Variants in GRIA4 observed in about 807,000 individuals in gnomAD.
GRIA4 encodes the protein glutamate receptor 4.
GRIA4 carries 34 observed loss-of-function variants against 104.0 expected under a neutral mutation model. That is an observed-to-expected ratio of 0.33 (90% CI 0.25 to 0.44). The LOEUF (loss-of-function observed/expected upper bound fraction) is 0.44, where lower values mean the gene tolerates loss of function less well. GRIA4 is among the 20% of genes least tolerant of loss of function. The pLI is 1.00. For missense variants in GRIA4, 750 were observed against 1,096.5 expected, an observed-to-expected ratio of 0.68 and a Z score of 4.46; for synonymous variants, 386 against 381.9, an observed-to-expected ratio of 1.01 and a Z score of -0.13.
chr11:105,740,402 C>T (rs1254759166), intron 3 of GRIA4, among the ~76,000 whole-genome samples: 1 of 152,204 alleles, frequency 6.6e-6, no homozygotes, highest in East Asian at 1.9e-4. Flanking sequence ...TCCACACTCT[C>T]TCATTCTCTT....
chr11:105,842,296 G>A (rs931698108), intron 4 of GRIA4, among the ~76,000 whole-genome samples: 1 of 152,162 alleles, frequency 6.6e-6, no homozygotes, highest in Non-Finnish European at 1.5e-5. Context: ...TGAGGGACAT[G>A]GAAAGCTATT....
rs554600175 is a variant in GRIA4 at position 105,928,182 on chromosome 11, G to T, written c.2046+1243G>T. Among the ~76,000 whole-genome samples the T allele has an allele frequency of 2.6e-5, 4 of 151,950 alleles. No individual in the cohort carries two copies. The South Asian group carries it at 8.3e-4, about 31-fold the overall frequency. ...GATTATAGTATCCTAATATACTTTA[G>T]ATGTTTACATAATATCATATCAAGA... is the stretch of plus-strand genomic sequence containing the variant. On this transcript the variant is annotated intron_variant, in intron 13 of 16. Coordinates refer to ENST00000282499, the MANE Select transcript of GRIA4 (RefSeq NM_000829.4).
intron 3 of GRIA4, among the ~76,000 whole-genome samples, chr11:105,661,243 T>A (rs771345532): frequency 6.6e-6 from 1 of 151,672 alleles, no homozygotes. Flanking sequence ...TATTTATATC[T>A]ATTACAGTAA....
chr11:105,611,489 G>A (rs1013748058), intron 2 of GRIA4, among the ~76,000 whole-genome samples: 9 of 152,048 alleles, frequency 5.9e-5, no homozygotes, highest in Non-Finnish European at 1.3e-4. Context: ...CATTCTGGAC[G>A]CCGCAGCTTT....
chr11:105,877,571 A>G (rs1189453682), intron 5 of GRIA4, among the ~76,000 whole-genome samples: 2 of 152,054 alleles, frequency 1.3e-5, no homozygotes, highest in Admixed American at 6.6e-5. Context: ...TGGTCTTTTC[A>G]CATAGTCCCA....
chr11:105,865,756 T>TG (rs1198667952), intron 5 of GRIA4, among the ~76,000 whole-genome samples: 1 of 152,198 alleles, frequency 6.6e-6, no homozygotes, highest in African/African-American at 2.4e-5. Context: ...AACATTGAAG[T>TG]GTCAGACTTT....
At chr11:105,793,760 G>A (rs1354148026) in intron 4 of GRIA4, among the ~76,000 whole-genome samples, 1 of 152,068 alleles carries the variant, frequency 6.6e-6, no homozygotes, top group Non-Finnish European at 1.5e-5. Flanking sequence ...TACACAGGCA[G>A]AGAATGTCAC....
intron 3 of GRIA4, among the ~76,000 whole-genome samples, chr11:105,686,303 T>A (rs748567478): frequency 2.6e-5 from 4 of 152,200 alleles, no homozygotes; most frequent in Non-Finnish European, 4.4e-5. Flanking sequence ...TAGCTCCTAG[T>A]TATAAGTAAG....
At chr11:105,668,677 C>CTTTTTTTTT (rs11378145) in intron 3 of GRIA4, among the ~76,000 whole-genome samples, 2 of 140,514 alleles carry the variant, frequency 1.4e-5, no homozygotes, top group African/African-American at 2.6e-5. Context: ...TATCTTTTGT[C>CTTTTTTTTT]TTTTTTTTTT....
intron 4 of GRIA4, among the ~76,000 whole-genome samples, chr11:105,778,087 CTG>C (rs1321496216): frequency 6.6e-6 from 1 of 152,150 alleles, no homozygotes; most frequent in Non-Finnish European, 1.5e-5. Context: ...TTAAACCAAA[CTG>C]AACTGAACCA....
In GRIA4 at chr11:105,905,134, T is replaced by G. The variant is rs114183311; in HGVS notation, c.1054-63T>G. 8.1e-6 allele frequency: 7 copies of G among 866,708 alleles called. No individual in the cohort carries two copies. The African/African-American group carries it at 9.9e-5, about 12-fold the overall frequency. The allele number at this position is 866,708 out of a possible 1,614,324, so 53.7% of individuals were successfully genotyped here. On this transcript the variant is annotated intron_variant, in intron 8 of 16. Coordinates refer to ENST00000282499, the MANE Select transcript of GRIA4 (RefSeq NM_000829.4). Reference sequence around the variant, plus strand: ...TTTAAGTAGTTATAAGCCCAGCAGATGAAGTTAAAATTCCTATAAGTGAAA... The same window carrying G: ...TTTAAGTAGTTATAAGCCCAGCAGAGGAAGTTAAAATTCCTATAAGTGAAA...
chr11:105,818,800 C>T (rs975410074), intron 4 of GRIA4, among the ~76,000 whole-genome samples: 8 of 152,138 alleles, frequency 5.3e-5, no homozygotes, highest in Non-Finnish European at 1.0e-4. Flanking sequence ...AACCTTTACT[C>T]CATGATGCTG....
At chr11:105,896,793 T>C (rs1390777965) in intron 6 of GRIA4, among the ~76,000 whole-genome samples, 1 of 152,318 alleles carries the variant, frequency 6.6e-6, no homozygotes, top group East Asian at 1.9e-4. Flanking sequence ...ACCAAAACCA[T>C]GCTGTTATGG....
chr11:105,922,660 AT>A (rs1405036173), intron 11 of GRIA4, among the ~76,000 whole-genome samples: 1 of 152,140 alleles, frequency 6.6e-6, no homozygotes, highest in Non-Finnish European at 1.5e-5. Context: ...TCATTATATT[AT>A]TTGAGAAGAG....
At chr11:105,910,019 G>A (rs1467011477) in intron 9 of GRIA4, among the ~76,000 whole-genome samples, 1 of 152,030 alleles carries the variant, frequency 6.6e-6, no homozygotes, top group Non-Finnish European at 1.5e-5. Context: ...TTCTGTACAT[G>A]TTCTTCTTAG....
intron 4 of GRIA4, among the ~76,000 whole-genome samples, chr11:105,757,169 G>A (rs1940362030): frequency 6.6e-6 from 1 of 152,144 alleles, no homozygotes; most frequent in African/African-American, 2.4e-5. Flanking sequence ...GGCTGTTACT[G>A]CTTTGGATTA....
At chr11:105,825,436 G>A (rs1027047522) in intron 4 of GRIA4, among the ~76,000 whole-genome samples, 1 of 152,064 alleles carries the variant, frequency 6.6e-6, no homozygotes, top group Admixed American at 6.6e-5. Flanking sequence ...GTTCAGGCCA[G>A]CTACGTTCTT....
At chr11:105,719,355 A>T (rs1327044813) in intron 3 of GRIA4, among the ~76,000 whole-genome samples, 1 of 152,134 alleles carries the variant, frequency 6.6e-6, no homozygotes, top group Non-Finnish European at 1.5e-5. Flanking sequence ...GTTTTGGGAG[A>T]TTAAGATTCC....
intron 16 of GRIA4, chr11:105,974,733 T>C (rs955914280): frequency 3.5e-6 from 2 of 575,384 alleles, no homozygotes; most frequent in East Asian, 5.9e-5. Flanking sequence ...TGAAACTTTA[T>C]GTTGCCAATA....
Sources: allele counts gnomAD v4.1 joint callset (sites outside exome capture counted in the v4.1 genomes callset), GRCh38; gene constraint gnomAD v4.1.1; transcripts MANE v1.5; gene names NCBI Gene and HGNC (gene_info 2026-07-23, HGNC 2026-07-21).